Variants in ANO10 observed in about 807,000 individuals in gnomAD.
ANO10 encodes the protein anoctamin 10, also known as anoctamin-10.
Under a neutral mutation model 74.7 loss-of-function variants are expected in ANO10, and 77 were observed. The observed-to-expected ratio is 1.03, with a 90% confidence interval of 0.86 to 1.25. The LOEUF (loss-of-function observed/expected upper bound fraction) is 1.25, where lower values mean the gene tolerates loss of function less well. Among genes scored for constraint, ANO10 ranks in the 50% most tolerant of loss-of-function variants. The probability of loss-of-function intolerance (pLI) is 0.00; values close to 1 mark genes in which losing one functional copy is unlikely to be tolerated. For missense variants in ANO10, 721 were observed against 778.1 expected, an observed-to-expected ratio of 0.93 and a Z score of 0.87; for synonymous variants, 279 against 284.9, an observed-to-expected ratio of 0.98 and a Z score of 0.21.
At chr3:43,387,430 C>G (rs1159244809) in intron 12 of ANO10, among the ~76,000 whole-genome samples, 2 of 152,104 alleles carry the variant, frequency 1.3e-5, no homozygotes, top group Admixed American at 1.3e-4. Context: ...TTGAGGAGGG[C>G]AGGAGGGAGA....
chr3:43,385,141 C>T (rs2092078943), intron 12 of ANO10, among the ~76,000 whole-genome samples: 1 of 151,940 alleles, frequency 6.6e-6, no homozygotes, highest in African/African-American at 2.4e-5. Context: ...ATAAGATGTA[C>T]AAATGGACAA....
At chr3:43,416,822 C>T (rs2092745688) in intron 12 of ANO10, among the ~76,000 whole-genome samples, 1 of 152,196 alleles carries the variant, frequency 6.6e-6, no homozygotes, top group Non-Finnish European at 1.5e-5. Flanking sequence ...TATTGTCAAT[C>T]ATCAACCATT....
intron 11 of ANO10, chr3:43,485,162 G>T: frequency 1.4e-6 from 1 of 739,308 alleles, no homozygotes; most frequent in Non-Finnish European, 2.4e-6. Flanking sequence ...CCCTGGCGCG[G>T]TAGCACTGGG....
chr3:43,599,181 A>G (rs918938610), intron 3 of ANO10, among the ~76,000 whole-genome samples: 15 of 152,222 alleles, frequency 9.9e-5, no homozygotes, highest in Non-Finnish European at 1.2e-4. Context: ...AACCTCTTAA[A>G]TAAGGTAAAT....
Position 43,565,745 on chromosome 3 carries a change from A to AG in ANO10, c.1219-19_1219-18insC. The AG allele has an allele frequency of 6.4e-7, 1 of 1,553,086 alleles. No homozygotes were observed. The highest frequency in any genetic ancestry group is 2.4e-5 in the East Asian group (1 of 41,370). On this transcript the variant is annotated intron_variant, in intron 7 of 12. Coordinates refer to ENST00000292246, the MANE Select transcript of ANO10 (RefSeq NM_018075.5). ...AAGTTGAACTGCCAAAAAAAAAAAA[A>AG]AAAAAGATAAGTGTTAAGCACTGCT...
intron 11 of ANO10, among the ~76,000 whole-genome samples, chr3:43,472,178 C>T (rs757271396): frequency 8.6e-5 from 13 of 151,982 alleles, no homozygotes; most frequent in Non-Finnish European, 1.3e-4. Flanking sequence ...TTATATGATA[C>T]TCTGAGAAAG....
At chr3:43,662,609 A>T (rs942834489) in intron 1 of ANO10, among the ~76,000 whole-genome samples, 42 of 152,288 alleles carry the variant, frequency 2.8e-4, no homozygotes, top group African/African-American at 9.9e-4. Flanking sequence ...TGAATCCAAG[A>T]GCTGATTTTT....
intron 12 of ANO10, among the ~76,000 whole-genome samples, chr3:43,425,031 T>C (rs143484047): frequency 3.5e-4 from 53 of 152,240 alleles, no homozygotes; most frequent in Non-Finnish European, 4.6e-4. Flanking sequence ...CTGTGGCTAT[T>C]GGCTTTGTTA....
At chr3:43,653,740 T>C (rs2083814385) in intron 1 of ANO10, among the ~76,000 whole-genome samples, 2 of 152,180 alleles carry the variant, frequency 1.3e-5, no homozygotes, top group Admixed American at 6.5e-5. Context: ...TTGGGAAGGA[T>C]ACTAGAGTGC....
At chr3:43,451,282 T>C (rs1318654757) in intron 11 of ANO10, among the ~76,000 whole-genome samples, 1 of 152,212 alleles carries the variant, frequency 6.6e-6, no homozygotes, top group African/African-American at 2.4e-5. Flanking sequence ...GAGAGCCACC[T>C]TGACCACACT....
chr3:43,614,586 A>C (rs2082990776), intron 1 of ANO10, among the ~76,000 whole-genome samples: 1 of 151,736 alleles, frequency 6.6e-6, no homozygotes, highest in Non-Finnish European at 1.5e-5. Flanking sequence ...AATGGAAAGA[A>C]CCCAGTTTGG....
intron 4 of ANO10, among the ~76,000 whole-genome samples, chr3:43,591,236 A>G (rs1041714693): frequency 6.6e-5 from 10 of 152,122 alleles, no homozygotes; most frequent in Admixed American, 6.5e-5. Flanking sequence ...ATTGACTTCC[A>G]TCCCTCCAGA....
intron 12 of ANO10, among the ~76,000 whole-genome samples, chr3:43,369,057 T>C (rs982087965): frequency 1.7e-5 from 1 of 57,326 alleles, no homozygotes; most frequent in South Asian, 9.0e-4. Context: ...TGCTCCACAG[T>C]AGCCAGGGTG....
At chr3:43,691,009 A>C (rs779102318) in intron 1 of ANO10, 4 of 1,567,268 alleles carry the variant, frequency 2.6e-6, no homozygotes, top group Non-Finnish European at 3.4e-6. Flanking sequence ...GCGGAGGAGG[A>C]GGAGGTGGAC....
rs139867054 is a variant in ANO10 at position 43,406,896 on chromosome 3, G to A, written c.1914+25715C>T. On this transcript the variant is annotated intron_variant, in intron 12 of 12. Transcript: ENST00000292246. Reference sequence around the variant, plus strand: ...ACCTGCAGTGTGCACGCTGAGTCTCGCAACAGAGATTTTTTTTTTTTTTTT... The same window carrying A: ...ACCTGCAGTGTGCACGCTGAGTCTCACAACAGAGATTTTTTTTTTTTTTTT... Among the ~76,000 whole-genome samples the A allele has an allele frequency of 3.3e-5, 5 of 150,112 alleles. No homozygotes were observed. In the East Asian group the frequency reaches 5.8e-4, roughly 17 times the overall value.
intron 1 of ANO10, among the ~76,000 whole-genome samples, chr3:43,631,025 G>A (rs2083540780): frequency 6.6e-6 from 1 of 152,210 alleles, no homozygotes; most frequent in South Asian, 2.1e-4. Flanking sequence ...TTGACTGATG[G>A]TTCAAGACTG....
intron 11 of ANO10, among the ~76,000 whole-genome samples, chr3:43,534,618 G>C (rs1035978652): frequency 3.3e-5 from 5 of 152,142 alleles, no homozygotes; most frequent in African/African-American, 1.2e-4. Context: ...CCAATACACA[G>C]AGCCAAAGGG....
At chr3:43,489,685 T>TC (rs1288241107) in intron 11 of ANO10, among the ~76,000 whole-genome samples, 1 of 152,144 alleles carries the variant, frequency 6.6e-6, no homozygotes, top group Non-Finnish European at 1.5e-5. Flanking sequence ...TTTCAGGTGC[T>TC]CAGAACATAT....
chr3:43,610,182 T>C (rs1465758476), intron 1 of ANO10, among the ~76,000 whole-genome samples: 1 of 84,418 alleles, frequency 1.2e-5, no homozygotes, highest in African/African-American at 4.6e-5. Flanking sequence ...TACATTAACC[T>C]AGATCTACAC....
Sources: gnomAD v4.1 joint callset for allele counts (sites outside exome capture counted in the v4.1 genomes callset) on GRCh38, gnomAD v4.1.1 for gene constraint, MANE v1.5 for transcripts, NCBI Gene and HGNC (gene_info 2026-07-23, HGNC 2026-07-21) for gene names.